Variants in ZMYM1 observed in about 807,000 individuals in gnomAD.
The protein encoded by ZMYM1 is zinc finger MYM-type protein 1.
A neutral mutation model predicts 60.0 loss-of-function variants in ZMYM1; 39 were observed. The ratio of observed to expected loss-of-function variants is 0.65; its 90% CI spans 0.50 to 0.85. The LOEUF is 0.85. Ranked by LOEUF, ZMYM1 falls within the 40% of genes least tolerant of loss-of-function variation. The probability of loss-of-function intolerance (pLI) is 0.00; values close to 1 mark genes in which losing one functional copy is unlikely to be tolerated. For synonymous variants in ZMYM1, 413 were observed against 454.0 expected (o/e 0.91, Z 1.15); for missense variants, 1,171 against 1,309.5 (o/e 0.89, Z 1.63).
intron 6 of ZMYM1, among the ~76,000 whole-genome samples, chr1:35,105,562 G>C (rs1643870273): frequency 6.6e-6 from 1 of 152,152 alleles, no homozygotes; most frequent in Non-Finnish European, 1.5e-5. Context: ...GCCTCCCAAG[G>C]AACTGGGATT....
intron 4 of ZMYM1, among the ~76,000 whole-genome samples, chr1:35,099,558 AG>A (rs1425412975): frequency 6.6e-6 from 1 of 152,184 alleles, no homozygotes; most frequent in Non-Finnish European, 1.5e-5. Context: ...GTGGGTAGAA[AG>A]ATGGTAGTAA....
rs776234291 is a variant in ZMYM1, at chr1:35,114,086, A to C, written c.2256A>C (p.Leu752Phe). 6.2e-6 allele frequency: 10 copies of C among 1,611,848 alleles called. No individual in the cohort carries two copies. In the East Asian group the frequency reaches 2.2e-4, roughly 36 times the overall value. ...ATTGTTATGCACACTTTTTGGATTTATCAATAATTAGGTTTTGTAAAGAAG... is the reference window on the plus strand; with the variant it reads ...ATTGTTATGCACACTTTTTGGATTTCTCAATAATTAGGTTTTGTAAAGAAG... ...YIHCYAHFLD[L>F]SIIRFCKEVK... Residue 752 changes from leucine to phenylalanine, a missense_variant, in exon 10 of 10, where the codon TTA becomes TTC. Transcript: ENST00000359858.
At position 35,088,454 on chromosome 1, in the gene ZMYM1, ATGTGTG is replaced by A. The variant is rs764350525; in HGVS notation, c.-74-5418_-74-5413del. Among the ~76,000 whole-genome samples the A allele has an allele frequency of 9.2e-3, 983 of 107,174 alleles. 20 individuals carry two copies. Among genetic ancestry groups the A allele is most frequent in the East Asian group, 0.031 (88 of 2,806 alleles). 70.3% of individuals were successfully genotyped at this position (107,174 alleles called of 152,430 possible). On this transcript the variant is annotated intron_variant, in intron 1 of 9. Transcript: ENST00000359858. ...TATGTGTATATATATATATATATAT[ATGTGTG>A]TGTGTGTGTGTGTGTGTGTGTGTGT...
At chr1:35,097,154 A>G (rs1643378486) in intron 3 of ZMYM1, among the ~76,000 whole-genome samples, 163 bp from the exon 4 acceptor site, 3 of 152,192 alleles carry the variant, frequency 2.0e-5, no homozygotes, top group Non-Finnish European at 4.4e-5. Context: ...CAGGGTGTCA[A>G]GGCTGCAGTG....
Position 35,111,866 on chromosome 1 carries a change from A to G in ZMYM1, c.1056A>G (p.Ala352=), listed in dbSNP as rs1254834966. The part of the protein sequence containing the change: ...TPVISNIVSL[A]DTDVALPIMN... ...TTATAAGCAATATAGTGTCATTGGCAGACACCGATGTTGCCTTGCCCATCA... is the reference window on the plus strand; with the variant it reads ...TTATAAGCAATATAGTGTCATTGGCGGACACCGATGTTGCCTTGCCCATCA... Residue 352 remains alanine, a synonymous_variant, in exon 8 of 10, where the codon GCA becomes GCG. Coordinates refer to ENST00000359858, the MANE Select transcript of ZMYM1 (RefSeq NM_024772.5). 1 of 1,605,854 alleles carries G rather than the reference A, an allele frequency of 6.2e-7. No individual in the cohort carries two copies. The highest frequency in any genetic ancestry group is 2.2e-5 in the East Asian group (1 of 44,606).
Position 35,113,699 on chromosome 1 carries a change from A to G in ZMYM1, c.1869A>G (p.Glu623=), listed in dbSNP as rs1557720002. 6.2e-7 allele frequency: 1 copy of G among 1,613,690 alleles called. No individual in the cohort carries two copies. The highest frequency in any genetic ancestry group is 1.7e-5 in the Admixed American group (1 of 59,998). The part of the protein sequence containing the change: ...NSTQIQSDII[E]IIKTEMLQDI... ...CACAAATTCAAAGTGATATTATCGA[A>G]ATAATAAAGACTGAAATGTTGCAGG... Residue 623 remains glutamate (E), a synonymous_variant, in exon 10 of 10, where the codon GAA becomes GAG. Coordinates refer to ENST00000359858, the MANE Select transcript of ZMYM1 (RefSeq NM_024772.5).
chr1:35,070,649 G>A lies in ZMYM1; in HGVS notation c.-300-8345G>A, dbSNP rs540736547. On this transcript the variant is annotated intron_variant, in intron 1 of 10. Coordinates refer to the ZMYM1 transcript ENST00000417119. ...AGGACTTCCAGTACTATGATGAATA[G>A]GAGTGGTGAAAGTGGGCATCCTTGT... Among the ~76,000 whole-genome samples the A allele has an allele frequency of 3.9e-5, 6 of 152,278 alleles. No individual in the cohort carries two copies. The South Asian group carries it at 1.2e-3, about 32-fold the overall frequency.
chr1:35,079,232 G>A (rs1350133115), upstream of ZMYM1: 1 of 152,202 alleles, frequency 6.6e-6, no homozygotes, highest in East Asian at 1.9e-4. Flanking sequence ...AAGATCCTAT[G>A]CGGGCCGTAA....
chr1:35,108,432 A>T (rs1019488548), intron 6 of ZMYM1, among the ~76,000 whole-genome samples: 11 of 151,110 alleles, frequency 7.3e-5, no homozygotes, highest in Non-Finnish European at 1.6e-4. Context: ...GCTCACTGCA[A>T]CCTCCGCCTC....
intron 1 of ZMYM1, among the ~76,000 whole-genome samples, chr1:35,061,552 A>G (rs11263981): frequency 0.25 from 37,419 of 151,894 alleles, 11,180 homozygotes; most frequent in African/African-American, 0.71. Flanking sequence ...CGAGGCAGGC[A>G]GATCACAAGG....
At position 35,115,555 on chromosome 1, in the gene ZMYM1, A is replaced by G; in HGVS notation, c.*296A>G. ...TGAAGAGTTTCTTGATTCTTGGTCT[A>G]TAATTGCAGATGTTATTGTATGAAT... On this transcript the variant is annotated 3_prime_UTR_variant, in exon 10 of 10. Transcript: ENST00000359858. 5.3e-6 allele frequency: 1 copy of G among 188,110 alleles called. No individual in the cohort carries two copies. Among genetic ancestry groups the G allele is most frequent in the Admixed American group, 5.8e-5 (1 of 17,358 alleles). 11.7% of individuals were successfully genotyped at this position (188,110 alleles called of 1,614,324 possible). A position where few individuals can be genotyped will look rare whatever the true frequency, so the allele number is the denominator to read the frequency against.
At chr1:35,098,422 C>G (rs573942421) in intron 4 of ZMYM1, among the ~76,000 whole-genome samples, 16 of 152,252 alleles carry the variant, frequency 1.1e-4, no homozygotes, top group Admixed American at 1.0e-3. Context: ...TTTAAATGTT[C>G]TTGTTCAGAA....
intron 1 of ZMYM1, among the ~76,000 whole-genome samples, chr1:35,067,711 C>T (rs1167909230): frequency 6.6e-6 from 1 of 151,624 alleles, no homozygotes; most frequent in Non-Finnish European, 1.5e-5. Context: ...CCCATTTCTG[C>T]TAGGGATGCA....
downstream of ZMYM1, among the ~76,000 whole-genome samples, chr1:35,118,015 G>T (rs142508911): frequency 2.0e-5 from 3 of 151,548 alleles, no homozygotes; most frequent in Non-Finnish European, 2.9e-5. Flanking sequence ...TAAGGCAGGC[G>T]GATCACAAGG....
At chr1:35,089,296 G>T (rs1642857937) in intron 1 of ZMYM1, among the ~76,000 whole-genome samples, 2 of 152,138 alleles carry the variant, frequency 1.3e-5, no homozygotes, top group South Asian at 4.1e-4. Context: ...TTTAAGACTT[G>T]CATGGCATGT....
chr1:35,084,939 C>T (rs1480640019), intron 1 of ZMYM1, among the ~76,000 whole-genome samples: 2 of 151,920 alleles, frequency 1.3e-5, no homozygotes, highest in Non-Finnish European at 2.9e-5. Context: ...CATGGAAAGT[C>T]CCCTTACCAG....
At chr1:35,084,038 A>G (rs1003832460) in intron 1 of ZMYM1, among the ~76,000 whole-genome samples, 8 of 152,332 alleles carry the variant, frequency 5.3e-5, no homozygotes, top group African/African-American at 2.4e-5. Flanking sequence ...GGAATCCCAC[A>G]TGGCACATTA....
intron 1 of ZMYM1, among the ~76,000 whole-genome samples, chr1:35,080,824 C>T (rs1642347880): frequency 1.3e-5 from 2 of 152,112 alleles, no homozygotes; most frequent in Non-Finnish European, 1.5e-5. Context: ...GAAATGATGG[C>T]TCTTCATTGC....
upstream of ZMYM1, among the ~76,000 whole-genome samples, chr1:35,077,846 G>A (rs980449283): frequency 3.9e-5 from 6 of 152,142 alleles, no homozygotes; most frequent in East Asian, 1.9e-4. Flanking sequence ...CTGGCTCTGC[G>A]TGAATTACTC....
Sources: allele counts gnomAD v4.1 joint callset (sites outside exome capture counted in the v4.1 genomes callset), GRCh38; gene constraint gnomAD v4.1.1; transcripts MANE v1.5; gene names NCBI Gene and HGNC (gene_info 2026-07-23, HGNC 2026-07-21).